The following CCDC144A variants were observed in gnomAD, a reference collection of about 807,000 sequenced individuals.
CCDC144A encodes coiled-coil domain-containing protein 144A.
Under a neutral mutation model 143.8 loss-of-function variants are expected in CCDC144A, and 41 were observed. The ratio of observed to expected loss-of-function variants is 0.29; its 90% confidence interval spans 0.22 to 0.37. CCDC144A has a LOEUF of 0.37. Ranked by LOEUF, CCDC144A falls within the 10% of genes least tolerant of loss-of-function variation. The pLI is 1.00. For missense variants in CCDC144A, 637 were observed against 1,488.8 expected, an observed-to-expected ratio of 0.43 and a Z score of 9.41; for synonymous variants, 242 against 517.9, an observed-to-expected ratio of 0.47 and a Z score of 7.23.
intron 15 of CCDC144A, among the ~76,000 whole-genome samples, chr17:16,770,637 T>C (rs1452779785): frequency 6.6e-6 from 1 of 152,034 alleles, no homozygotes; most frequent in Non-Finnish European, 1.5e-5. Context: ...GGACTTTGAC[T>C]AAATCAGTGA....
chr17:16,711,657 G>C, intron 5 of CCDC144A, 22 bp from the exon 6 acceptor site: 1 of 1,609,996 alleles, frequency 6.2e-7, no homozygotes, highest in East Asian at 2.2e-5. Context: ...CAATCATCCT[G>C]AACATCAAAC....
rs1359436064 is a variant in CCDC144A at position 16,709,454 on chromosome 17, A to G, written c.1397A>G (p.Tyr466Cys). 6.2e-7 allele frequency: 1 copy of G among 1,611,674 alleles called. No individual in the cohort carries two copies. Among genetic ancestry groups the G allele is most frequent in the Middle Eastern group, 2.3e-4 (1 of 4,428 alleles). ...QNSDSGSTNN[Y>C]KSLKPKLENL... is the part of the protein sequence containing the mutation. Reference sequence around the variant, plus strand: ...AGTGACAGTGGCAGTACAAACAACTATAAAAGCCTGAAACCTAAATTAGAA... The same window carrying G: ...AGTGACAGTGGCAGTACAAACAACTGTAAAAGCCTGAAACCTAAATTAGAA... Residue 466 changes from tyrosine to cysteine, a missense_variant, in exon 5 of 17, where the codon TAT (tyrosine) becomes TGT (cysteine). Transcript: ENST00000399273.
intron 12 of CCDC144A, among the ~76,000 whole-genome samples, chr17:16,748,335 A>G (rs577822702): frequency 1.3e-5 from 2 of 152,190 alleles, no homozygotes; most frequent in African/African-American, 4.8e-5. Context: ...GCTTTTTTGC[A>G]TCTTTTGAGT....
intron 12 of CCDC144A, among the ~76,000 whole-genome samples, chr17:16,755,361 A>C (rs1915028273): frequency 6.6e-6 from 1 of 152,078 alleles, no homozygotes; most frequent in Admixed American, 6.5e-5. Flanking sequence ...CTGTAGTAAT[A>C]ATGTTTGATT....
Position 16,746,058 on chromosome 17 carries a change from T to G in CCDC144A, c.3372+10415T>G, listed in dbSNP as rs1248664596. 5 of 1,609,730 alleles carry G rather than the reference T, an allele frequency of 3.1e-6. No individual in the cohort carries two copies. The African/African-American group carries it at 6.7e-5, about 22-fold the overall frequency. On this transcript the variant is annotated intron_variant, in intron 12 of 16. Coordinates refer to ENST00000399273, the MANE Select transcript of CCDC144A (RefSeq NM_001382000.1). ...TTTATCACTGCCGCTGTGTGACGTCTCCTGGGGCTCCTTCAGCGAGCCTTC... is the reference window on the plus strand; with the variant it reads ...TTTATCACTGCCGCTGTGTGACGTCGCCTGGGGCTCCTTCAGCGAGCCTTC...
At chr17:16,752,105 A>C (rs1914820992) in intron 12 of CCDC144A, among the ~76,000 whole-genome samples, 1 of 152,180 alleles carries the variant, frequency 6.6e-6, no homozygotes, top group Non-Finnish European at 1.5e-5. Context: ...CCTGTTAGGA[A>C]CTGGGCCGCA....
chr17:16,726,022 T>C (rs570919782), intron 8 of CCDC144A, among the ~76,000 whole-genome samples: 7 of 152,172 alleles, frequency 4.6e-5, no homozygotes, highest in Non-Finnish European at 7.3e-5. Context: ...TTCACTTCCA[T>C]CCATTTTAGC....
chr17:16,759,303 A>G (rs1264830078), intron 12 of CCDC144A, among the ~76,000 whole-genome samples: 1 of 152,224 alleles, frequency 6.6e-6, no homozygotes, highest in Non-Finnish European at 1.5e-5. Flanking sequence ...CTTTATCCTG[A>G]TGTAACCACC....
chr17:16,774,920 G>A lies in CCDC144A; in HGVS notation c.*1287G>A, dbSNP rs1283430844. 6.7e-6 allele frequency: 1 copy of A among 148,562 alleles called. No individual in the cohort carries two copies. Among genetic ancestry groups the A allele is most frequent in the Non-Finnish European group, 1.5e-5 (1 of 67,892 alleles). The allele number at this position is 148,562 out of a possible 1,614,324, so 9.2% of individuals were successfully genotyped here. ...GTTGTTCCCCGCCATGTGTCCATGT[G>A]TTCTCATTATTCAGCTCCCACTTGT... On this transcript the variant is annotated 3_prime_UTR_variant, in exon 17 of 17. Coordinates refer to ENST00000399273, the MANE Select transcript of CCDC144A (RefSeq NM_001382000.1).
chr17:16,673,991 G>A, the CCDC144A span, among the ~76,000 whole-genome samples: 391 of 151,902 alleles, frequency 2.6e-3, 1 homozygote, highest in African/African-American at 7.5e-3. Context: ...TTTTTTTAAC[G>A]TTAGAAGAAA....
chr17:16,757,153 C>T (rs1263670125), intron 12 of CCDC144A, among the ~76,000 whole-genome samples: 1 of 152,250 alleles, frequency 6.6e-6, no homozygotes, highest in Admixed American at 6.5e-5. Context: ...CAGGCCAGGC[C>T]AAAGGACCTT....
intron 2 of CCDC144A, among the ~76,000 whole-genome samples, chr17:16,699,555 G>T: frequency 1.4e-5 from 1 of 73,230 alleles, no homozygotes. Flanking sequence ...CTTTTTTTTT[G>T]AACGGGTGTG....
the CCDC144A span, among the ~76,000 whole-genome samples, chr17:16,682,897 T>G: frequency 7.9e-4 from 90 of 113,606 alleles, no homozygotes; most frequent in African/African-American, 2.7e-3. Context: ...TTTTTTTTTT[T>G]TTTTTTTTTT....
intron 15 of CCDC144A, among the ~76,000 whole-genome samples, chr17:16,767,457 A>G (rs907899729): frequency 1.3e-5 from 2 of 151,654 alleles, no homozygotes; most frequent in East Asian, 2.0e-4. Flanking sequence ...ACATCAGCTA[A>G]TACAAGGAGG....
chr17:16,720,590 G>A lies in CCDC144A; in HGVS notation c.1823G>A (p.Cys608Tyr). Residue 608 changes from cysteine to tyrosine, a missense_variant, in exon 8 of 17, where the codon TGT (cysteine) becomes TAT (tyrosine). By Grantham distance (194) the Cys-to-Tyr change is radical. Transcript: ENST00000399273. ...CCATCTGAAATAGCCTCAGAGGATT[G>A]TGAATTGTCTCACTCTGTTTATGAG... ...MEPSEIASED[C>Y]ELSHSVYENF... 6.2e-7 allele frequency: 1 copy of A among 1,611,002 alleles called. No homozygotes were observed. Among genetic ancestry groups the A allele is most frequent in the Non-Finnish European group, 8.5e-7 (1 of 1,178,322 alleles).
Position 16,690,501 on chromosome 17 carries a change from A to G in CCDC144A, c.101A>G (p.Asp34Gly). 1 of 1,610,760 alleles carries G rather than the reference A, an allele frequency of 6.2e-7. No individual in the cohort carries two copies. Among genetic ancestry groups the G allele is most frequent in the Non-Finnish European group, 8.5e-7 (1 of 1,178,720 alleles). The change falls in exon 1 of 17, where the codon GAC becomes GGC. Residue 34 changes from aspartate (D) to glycine (G), a missense_variant. Coordinates refer to ENST00000399273, the MANE Select transcript of CCDC144A (RefSeq NM_001382000.1). The stretch of plus-strand genomic sequence containing the variant: ...ACCCCTAGCGTCGGGAGCCAGGGGG[A>G]CCAGTGGTACTTGGGCTACCCGGGG... ...RKTPSVGSQG[D>G]QWYLGYPGDQ... is the part of the protein sequence containing the mutation.
chr17:16,758,354 T>G (rs181014639), intron 12 of CCDC144A, among the ~76,000 whole-genome samples: 1,480 of 152,150 alleles, frequency 9.7e-3, no homozygotes, highest in African/African-American at 0.033. Context: ...AGGCTTGAAG[T>G]GCAAGATCCT....
chr17:16,685,722 CG>C (rs1910754194), upstream of CCDC144A, among the ~76,000 whole-genome samples: 1 of 151,902 alleles, frequency 6.6e-6, no homozygotes, highest in Admixed American at 6.6e-5. Flanking sequence ...CCTGATTTTA[CG>C]GGGGGAGTGG....
In CCDC144A at chr17:16,734,877, T is replaced by G. The variant is rs1473902164; in HGVS notation, c.2606T>G (p.Leu869Arg). ...GATAACCTTCAAAAAATTATAAAAC[T>G]AAATGAGGAAACATTAACAGAAACA... ...KNDNLQKIIK[L>R]NEETLTETIL... The change falls in exon 12 of 17, where the codon CTA becomes CGA. Residue 869 changes from leucine to arginine, a missense_variant. By Grantham distance (102) the Leu-to-Arg change is moderately radical. Transcript: ENST00000399273. 11 of 1,567,988 alleles carry G rather than the reference T, an allele frequency of 7.0e-6. No homozygotes were observed. The highest frequency in any genetic ancestry group is 4.6e-5 in the East Asian group (2 of 43,682).
Sources: allele counts gnomAD v4.1 joint callset (sites outside exome capture counted in the v4.1 genomes callset), GRCh38; gene constraint gnomAD v4.1.1; transcripts MANE v1.5; gene names NCBI Gene and HGNC (gene_info 2026-07-23, HGNC 2026-07-21).